The following SSBP2 variants were observed in gnomAD, a reference collection of about 807,000 sequenced individuals.
SSBP2 encodes the protein single stranded DNA binding protein 2, also known as single-stranded DNA-binding protein 2.
Under a neutral mutation model 61.8 loss-of-function variants are expected in SSBP2, and 17 were observed. That is an observed-to-expected ratio of 0.28 (90% CI 0.19 to 0.41). SSBP2 has a LOEUF of 0.41. Among genes scored for constraint, SSBP2 ranks in the 10% least tolerant of loss-of-function variants. SSBP2 has a pLI of 1.00. For synonymous variants in SSBP2, 139 were observed against 141.3 expected, an observed-to-expected ratio of 0.98 and a Z score of 0.12; for missense variants, 310 against 458.7, an observed-to-expected ratio of 0.68 and a Z score of 2.96.
chr5:81,703,089 T>C (rs1754104872), intron 1 of SSBP2, among the ~76,000 whole-genome samples: 1 of 152,258 alleles, frequency 6.6e-6, no homozygotes, highest in South Asian at 2.1e-4. Context: ...GTGTGGTGGC[T>C]ACTTTGCTAA....
intron 5 of SSBP2, among the ~76,000 whole-genome samples, chr5:81,498,928 A>G (rs1358076970): frequency 1.3e-5 from 2 of 152,134 alleles, no homozygotes; most frequent in African/African-American, 4.8e-5. Flanking sequence ...TTTTCTGTAG[A>G]AAAGTAATGA....
chr5:81,548,301 T>G (rs894956755), intron 4 of SSBP2, among the ~76,000 whole-genome samples: 2 of 152,190 alleles, frequency 1.3e-5, no homozygotes, highest in African/African-American at 4.8e-5. Context: ...GGTTCATTGA[T>G]CATAACGAAT....
chr5:81,650,251 A>G lies in SSBP2; in HGVS notation c.135+16T>C. Reference sequence around the variant, plus strand: ...TATAAGATCAAAATGCAATACAGAAAATATATAAAACATACCTCTGATAAA... The same window carrying G: ...TATAAGATCAAAATGCAATACAGAAGATATATAAAACATACCTCTGATAAA... On this transcript the variant is annotated intron_variant, in intron 2 of 16. Coordinates refer to ENST00000320672, the MANE Select transcript of SSBP2 (RefSeq NM_012446.5). The G allele has an allele frequency of 6.6e-7, 1 of 1,526,522 alleles. No individual in the cohort carries two copies. The highest frequency in any genetic ancestry group is 1.2e-5 in the South Asian group (1 of 80,526). The allele number at this position is 1,526,522 out of a possible 1,614,324, so 94.6% of individuals were successfully genotyped here.
intron 2 of SSBP2, among the ~76,000 whole-genome samples, chr5:81,647,454 T>C (rs112544693): frequency 6.6e-6 from 1 of 152,132 alleles, no homozygotes; most frequent in African/African-American, 2.4e-5. Context: ...ATCTAACTTA[T>C]TATTTTACAT....
At chr5:81,617,787 G>A (rs1335278168) in intron 3 of SSBP2, among the ~76,000 whole-genome samples, 1 of 89,686 alleles carries the variant, frequency 1.1e-5, no homozygotes, top group Non-Finnish European at 2.2e-5. Flanking sequence ...AAGAGAGTGG[G>A]GGCCAATATT....
In SSBP2 at chr5:81,678,957, T is replaced by C. The variant is rs144096407; in HGVS notation, c.63-28618A>G. 2.4e-4 allele frequency among the ~76,000 whole-genome samples: 36 copies of C among 152,276 alleles called. No homozygotes were observed. The Middle Eastern group carries it at 0.01, about 43-fold the overall frequency. ...TCTGTCAGACTTGGGTCTACATTTT[T>C]AAAAAAGGAAGAGCATTATAGAATG... On this transcript the variant is annotated intron_variant, in intron 1 of 16. Transcript: ENST00000320672.
chr5:81,508,118 A>T (rs1260815755), intron 5 of SSBP2, among the ~76,000 whole-genome samples: 8 of 152,198 alleles, frequency 5.3e-5, no homozygotes, highest in Non-Finnish European at 1.2e-4. Context: ...TAAGACAGAG[A>T]TATAAAAGAG....
chr5:81,685,198 T>A (rs574440143), intron 1 of SSBP2, among the ~76,000 whole-genome samples: 1 of 152,172 alleles, frequency 6.6e-6, no homozygotes, highest in South Asian at 2.1e-4. Flanking sequence ...AGTCTGCAGA[T>A]CTGTGAGTCA....
intron 4 of SSBP2, among the ~76,000 whole-genome samples, chr5:81,562,902 T>C (rs372153960): frequency 1.3e-5 from 2 of 152,098 alleles, no homozygotes; most frequent in South Asian, 4.1e-4. Context: ...TTAATGAAGA[T>C]TTAAATAAAT....
chr5:81,567,557 G>A (rs1773517968), intron 4 of SSBP2, among the ~76,000 whole-genome samples: 1 of 152,232 alleles, frequency 6.6e-6, no homozygotes, highest in Non-Finnish European at 1.5e-5. Context: ...TGTGGGGTCA[G>A]ATTCCCCCAG....
chr5:81,647,567 G>A (rs923941588), intron 2 of SSBP2, among the ~76,000 whole-genome samples: 8 of 152,026 alleles, frequency 5.3e-5, no homozygotes, highest in African/African-American at 1.9e-4. Context: ...TGGCAGCCTA[G>A]ATAGTGAAGA....
At chr5:81,531,024 C>T (rs2154105121) in intron 4 of SSBP2, among the ~76,000 whole-genome samples, 1 of 151,954 alleles carries the variant, frequency 6.6e-6, no homozygotes, top group East Asian at 1.9e-4. Context: ...GTCTTGGAAA[C>T]ATAGTAAGAC....
intron 5 of SSBP2, among the ~76,000 whole-genome samples, chr5:81,500,151 G>A (rs1767590972): frequency 6.6e-6 from 1 of 152,082 alleles, no homozygotes; most frequent in Non-Finnish European, 1.5e-5. Context: ...TATACTTAAA[G>A]CCACTCAACT....
intron 9 of SSBP2, 136 bp from the exon 10 acceptor site, chr5:81,461,239 T>G (rs771321512): frequency 1.9e-5 from 11 of 565,814 alleles, no homozygotes; most frequent in Non-Finnish European, 2.8e-5. Context: ...TTACTCTCTT[T>G]ATATTTATTT....
chr5:81,727,686 T>C (rs1223170366), intron 1 of SSBP2, among the ~76,000 whole-genome samples: 3 of 152,242 alleles, frequency 2.0e-5, no homozygotes, highest in Admixed American at 6.5e-5. Context: ...TAAATATAAA[T>C]TGAGCATCTC....
intron 8 of SSBP2, among the ~76,000 whole-genome samples, chr5:81,468,693 CAA>C (rs1361776489): frequency 6.6e-6 from 1 of 151,966 alleles, no homozygotes; most frequent in Non-Finnish European, 1.5e-5. Context: ...GGAAATAAAT[CAA>C]AGAGAGCAGG....
At position 81,437,413 on chromosome 5, in the gene SSBP2, GA is replaced by G; in HGVS notation, c.957+16del. 1 of 1,597,826 alleles carries G rather than the reference GA, an allele frequency of 6.3e-7. No homozygotes were observed. The highest frequency in any genetic ancestry group is 1.2e-5 in the South Asian group (1 of 86,936). On this transcript the variant is annotated intron_variant, in intron 15 of 16. Transcript: ENST00000320672. The stretch of plus-strand genomic sequence containing the variant: ...TAAAATTCTGATTAAAAACAACACA[GA>G]ATACACAGCACTCACCTTGGAAATA...
chr5:81,608,396 T>G (rs1209360150), intron 4 of SSBP2, among the ~76,000 whole-genome samples: 1 of 152,180 alleles, frequency 6.6e-6, no homozygotes, highest in East Asian at 1.9e-4. Context: ...CCTTTAATCC[T>G]TGCCTTTCTT....
intron 5 of SSBP2, among the ~76,000 whole-genome samples, chr5:81,508,578 G>C (rs1768357043): frequency 6.6e-6 from 1 of 152,118 alleles, no homozygotes; most frequent in African/African-American, 2.4e-5. Context: ...CTGCCTTCCA[G>C]AATGGATTTA....
Sources: allele counts gnomAD v4.1 joint callset (sites outside exome capture counted in the v4.1 genomes callset), GRCh38; gene constraint gnomAD v4.1.1; transcripts MANE v1.5; gene names NCBI Gene and HGNC (gene_info 2026-07-23, HGNC 2026-07-21).